Variants in CYB5A observed in about 807,000 individuals in gnomAD.
CYB5A encodes cytochrome b5 type A, also known as cytochrome b5.
CYB5A carries 10 observed loss-of-function variants against 16.2 expected under a neutral mutation model. The ratio of observed to expected loss-of-function variants is 0.62; its 90% CI spans 0.38 to 1.04. CYB5A has a LOEUF of 1.04. CYB5A is among the 50% of genes least tolerant of loss of function. The pLI, the probability that CYB5A is intolerant of heterozygous loss-of-function variation, is 0.01. For missense variants in CYB5A, 161 were observed against 165.9 expected (o/e 0.97, Z 0.16); for synonymous variants, 62 against 57.0 (o/e 1.09, Z -0.40).
intron 2 of CYB5A, 25 bp from the exon 3 acceptor site, chr18:74,260,969 T>C: frequency 6.2e-7 from 1 of 1,602,330 alleles, no homozygotes. Flanking sequence ...TAAGGCACAT[T>C]ATGGAATTTA....
In CYB5A at chr18:74,291,634, G is replaced by A. The variant is rs150039280; in HGVS notation, c.129+113C>T. On this transcript the variant is annotated intron_variant, in intron 1 of 4. Transcript: ENST00000340533. ...ACGCGCAGGTGAGCGAACTCGGGGG[G>A]CGCGCCTAGGCGTAGGTATGCGGAC... 1.0e-4 allele frequency: 152 copies of A among 1,499,200 alleles called. 2 individuals carry two copies. In the African/African-American group the frequency reaches 1.6e-3, roughly 16 times the overall value. 92.9% of individuals were successfully genotyped at this position (1,499,200 alleles called of 1,614,324 possible).
chr18:74,279,256 G>A (rs1048616215), intron 1 of CYB5A, among the ~76,000 whole-genome samples: 48 of 152,352 alleles, frequency 3.2e-4, no homozygotes, highest in African/African-American at 1.1e-3. Flanking sequence ...GGCCGGGCGC[G>A]GTGGCTCACG....
intron 3 of CYB5A, 114 bp downstream of exon 3, chr18:74,260,801 T>C (rs769823798): frequency 4.5e-6 from 4 of 883,684 alleles, no homozygotes; most frequent in South Asian, 1.3e-5. Context: ...TATTCATTTA[T>C]CTAGAAAGAC....
rs9963837 is a variant in CYB5A at position 74,283,781 on chromosome 18, C to G, written c.129+7966G>C. Among the ~76,000 whole-genome samples, 436 of 152,324 alleles carry G rather than the reference C, an allele frequency of 2.9e-3. 4 individuals carry two copies. The highest frequency in any genetic ancestry group is 9.7e-3 in the African/African-American group (403 of 41,574). ...AGCAACAGACTCAGCACTGAAGACA[C>G]TGGGTCGCAGCGCCCGCAGCCTGGA... On this transcript the variant is annotated intron_variant, in intron 1 of 4. Transcript: ENST00000340533.
chr18:74,284,269 C>T (rs1282270455), intron 1 of CYB5A, among the ~76,000 whole-genome samples: 1 of 148,228 alleles, frequency 6.7e-6, no homozygotes, highest in South Asian at 2.1e-4. Context: ...ATTAAAAGCA[C>T]AAACGCAAAG....
At chr18:74,277,132 CAA>C (rs1364191002) in intron 1 of CYB5A, among the ~76,000 whole-genome samples, 2 of 152,162 alleles carry the variant, frequency 1.3e-5, no homozygotes, top group African/African-American at 4.8e-5. Context: ...GAAAACAATT[CAA>C]AAGAGTTTGG....
At chr18:74,281,412 A>AG (rs1299707696) in intron 1 of CYB5A, among the ~76,000 whole-genome samples, 1 of 152,172 alleles carries the variant, frequency 6.6e-6, no homozygotes, top group African/African-American at 2.4e-5. Context: ...CCCAGGCCCC[A>AG]GGGGGGCCCT....
chr18:74,256,786 C>T lies in CYB5A; in HGVS notation c.289-1011G>A. 2.5e-6 allele frequency: 4 copies of T among 1,595,702 alleles called. No individual in the cohort carries two copies. The South Asian group carries it at 4.4e-5, about 18-fold the overall frequency. On this transcript the variant is annotated intron_variant, in intron 3 of 4. Transcript: ENST00000340533. The stretch of plus-strand genomic sequence containing the variant: ...AGAAACTCCCGTGAAAAGACAGACC[C>T]CTTTCAGGGAAAAGCAAGCAAAGCA...
Position 74,253,651 on chromosome 18 carries a change from C to A in CYB5A, c.338G>T (p.Trp113Leu), listed in dbSNP as rs963976597. The change falls in exon 5 of 5, where the codon TGG becomes TTG. Residue 113 changes from tryptophan to leucine, a missense_variant. Coordinates refer to ENST00000340533, the MANE Select transcript of CYB5A (RefSeq NM_148923.4). ...CACTGCAGAGATGGCAGGGATCACC[C>A]AGTTGGTCCACCAACTAGAAAGACA... Reference protein sequence around the residue: ...IDSSSSWWTNWVIPAISAVAV... With the variant: ...IDSSSSWWTNLVIPAISAVAV... The A allele has an allele frequency of 9.3e-6, 15 of 1,612,738 alleles. No homozygotes were observed. Among genetic ancestry groups the A allele is most frequent in the Non-Finnish European group, 1.2e-5 (14 of 1,179,108 alleles).
rs112934460 is a variant in CYB5A at position 74,281,743 on chromosome 18, C to CTGTGTGTGTGTGTGTGTGTG, written c.129+9984_129+10003dup. Among the ~76,000 whole-genome samples, 292 of 138,826 alleles carry CTGTGTGTGTGTGTGTGTGTG rather than the reference C, an allele frequency of 2.1e-3. 5 individuals carry two copies. The highest frequency in any genetic ancestry group is 6.4e-3 in the African/African-American group (221 of 34,742). 91.1% of individuals were successfully genotyped at this position (138,826 alleles called of 152,430 possible). A position where few individuals can be genotyped will look rare whatever the true frequency, so the allele number is the denominator to read the frequency against. ...GAGGGGGCAGAAGAGTCAAGGGAGG[C>CTGTGTGTGTGTGTGTGTGTG]TGTGTGTGTGTGTGTGTGTGTGTGT... On this transcript the variant is annotated intron_variant, in intron 1 of 4. Coordinates refer to ENST00000340533, the MANE Select transcript of CYB5A (RefSeq NM_148923.4).
In CYB5A at chr18:74,253,390, G is replaced by A. The variant is rs1200978178; in HGVS notation, c.*194C>T. ...TCAAAATAAAGTAGATGAATAAAAA[G>A]GCACACTCGAAAAATTTGAGCGCAG... is the stretch of plus-strand genomic sequence containing the variant. On this transcript the variant is annotated 3_prime_UTR_variant, in exon 5 of 5. Coordinates refer to ENST00000340533, the MANE Select transcript of CYB5A (RefSeq NM_148923.4). The A allele has an allele frequency of 2.0e-6, 1 of 512,634 alleles. No individual in the cohort carries two copies. Among genetic ancestry groups the A allele is most frequent in the African/African-American group, 1.9e-5 (1 of 51,582 alleles). 31.8% of individuals were successfully genotyped at this position (512,634 alleles called of 1,614,324 possible).
intron 1 of CYB5A, among the ~76,000 whole-genome samples, chr18:74,277,558 T>TA (rs1343807191): frequency 1.3e-5 from 2 of 152,168 alleles, no homozygotes; most frequent in African/African-American, 4.8e-5. Flanking sequence ...CTCAAGAAGT[T>TA]AGAGTCTAGT....
At chr18:74,257,192 T>C (rs1478196040) in intron 3 of CYB5A, 2 of 330,140 alleles carry the variant, frequency 6.1e-6, no homozygotes, top group Non-Finnish European at 1.1e-5. Flanking sequence ...AGGGCAGGCA[T>C]TTCACCAACG....
chr18:74,254,668 C>A (rs918147511), intron 4 of CYB5A, among the ~76,000 whole-genome samples: 1 of 151,616 alleles, frequency 6.6e-6, no homozygotes, highest in African/African-American at 2.4e-5. Context: ...TACAGGCGCC[C>A]GCCACCATGC....
chr18:74,272,450 G>A (rs1191211803), intron 1 of CYB5A, among the ~76,000 whole-genome samples: 2 of 152,168 alleles, frequency 1.3e-5, no homozygotes, highest in Admixed American at 1.3e-4. Context: ...TTGCTTTGCT[G>A]AGAGATCTTT....
Position 74,253,464 on chromosome 18 carries a change from G to T in CYB5A, c.*120C>A. On this transcript the variant is annotated 3_prime_UTR_variant, in exon 5 of 5. Coordinates refer to ENST00000340533, the MANE Select transcript of CYB5A (RefSeq NM_148923.4). The stretch of plus-strand genomic sequence containing the variant: ...TTTCTAATGTCGGAAGAAAAAGAAA[G>T]AGATATATTAAAATCATTGTTTTCA... The T allele has an allele frequency of 1.5e-6, 1 of 673,732 alleles. No homozygotes were observed. The allele number at this position is 673,732 out of a possible 1,614,324, so 41.7% of individuals were successfully genotyped here.
intron 1 of CYB5A, among the ~76,000 whole-genome samples, chr18:74,267,439 G>A (rs773714054): frequency 6.6e-6 from 1 of 152,186 alleles, no homozygotes; most frequent in Non-Finnish European, 1.5e-5. Context: ...TTACAGGCGT[G>A]AGCCACACAT....
At chr18:74,261,256 T>G (rs1385456499) in intron 2 of CYB5A, 1 of 365,642 alleles carries the variant, frequency 2.7e-6, no homozygotes, top group African/African-American at 2.1e-5. Flanking sequence ...AGGGAGGAGC[T>G]GAAGACTGAT....
At chr18:74,272,946 G>C (rs1982727848) in intron 1 of CYB5A, among the ~76,000 whole-genome samples, 1 of 152,058 alleles carries the variant, frequency 6.6e-6, no homozygotes, top group South Asian at 2.1e-4. Context: ...AACAAAACAA[G>C]AGTGTTTTAT....
Sources: gnomAD v4.1 joint callset for allele counts (sites outside exome capture counted in the v4.1 genomes callset) on GRCh38, gnomAD v4.1.1 for gene constraint, MANE v1.5 for transcripts, NCBI Gene and HGNC (gene_info 2026-07-23, HGNC 2026-07-21) for gene names.